EGFLAM: variants seen among roughly 807,000 people sequenced by gnomAD.
EGFLAM encodes EGF like, fibronectin type III and laminin G domains.
EGFLAM carries 79 observed loss-of-function variants against 113.1 expected under a neutral mutation model. The ratio of observed to expected loss-of-function variants is 0.70; its 90% CI spans 0.58 to 0.84. The LOEUF (loss-of-function observed/expected upper bound fraction) is 0.84. Ranked by LOEUF, EGFLAM falls within the 40% of genes least tolerant of loss-of-function variation. EGFLAM has a pLI of 0.00. For missense variants in EGFLAM, 1,265 were observed against 1,291.6 expected (o/e 0.98, Z 0.32); for synonymous variants, 504 against 487.6 (o/e 1.03, Z -0.44).
intron 11 of EGFLAM, 58 bp downstream of exon 11, chr5:38,412,706 A>G: frequency 1.3e-5 from 21 of 1,585,516 alleles, no homozygotes; most frequent in Non-Finnish European, 1.8e-5. Flanking sequence ...AAGTCTCCTG[A>G]GAAGGGCTTA....
chr5:38,258,797 G>A lies in EGFLAM; in HGVS notation c.43G>A (p.Ala15Thr), dbSNP rs747193269. The A allele has an allele frequency of 6.2e-7, 1 of 1,612,538 alleles. No homozygotes were observed. ...CGTCTTGCTCCGGCTCCTGCTCCTG[G>A]CTTCCAGCCTCGGACCCGGCGCGGT... ...RGVLLRLLLL[A>T]SSLGPGAVSL... The change falls in exon 1 of 22, where the codon GCT (alanine) becomes ACT (threonine). Residue 15 changes from alanine (A) to threonine (T), a missense_variant. Physicochemically the swap from Ala to Thr is moderately conservative, Grantham distance 58. Coordinates refer to ENST00000322350, the MANE Select transcript of EGFLAM (RefSeq NM_152403.4).
chr5:38,455,470 G>A (rs1278325377), intron 19 of EGFLAM, among the ~76,000 whole-genome samples: 1 of 151,244 alleles, frequency 6.6e-6, no homozygotes, highest in Non-Finnish European at 1.5e-5. Context: ...TTTAGAATAT[G>A]TAAACACTGA....
At chr5:38,422,579 CTA>C (rs1303626025) in intron 12 of EGFLAM, among the ~76,000 whole-genome samples, 1 of 152,176 alleles carries the variant, frequency 6.6e-6, no homozygotes, top group Non-Finnish European at 1.5e-5. Flanking sequence ...AAACCCAGCT[CTA>C]TCACATATTT....
At chr5:38,268,461 A>G (rs544974619) in intron 1 of EGFLAM, among the ~76,000 whole-genome samples, 2 of 152,302 alleles carry the variant, frequency 1.3e-5, no homozygotes, top group Non-Finnish European at 2.9e-5. Context: ...TAACCCAACT[A>G]TACGGTTTCT....
chr5:38,292,573 A>G (rs1204084294), intron 1 of EGFLAM, among the ~76,000 whole-genome samples: 1 of 152,184 alleles, frequency 6.6e-6, no homozygotes, highest in Non-Finnish European at 1.5e-5. Flanking sequence ...TCTTGAGTTG[A>G]TATTATTCCT....
chr5:38,283,846 T>G (rs527504871), intron 1 of EGFLAM: 7 of 152,378 alleles, frequency 4.6e-5, no homozygotes, highest in African/African-American at 1.7e-4. Context: ...CCCAGGTTTG[T>G]AAGACGGTTC....
rs533645549 is a variant in EGFLAM at position 38,370,641 on chromosome 5, G to C, written c.712+179G>C. On this transcript the variant is annotated intron_variant, in intron 6 of 21. Transcript: ENST00000322350. The stretch of plus-strand genomic sequence containing the variant: ...TTAGAGGCTGTCAACAGGGACACGG[G>C]CTGTTTCTATGTCCTGGAGGTCAGC... Among the ~76,000 whole-genome samples, 97 of 152,326 alleles carry C rather than the reference G, an allele frequency of 6.4e-4. 1 individual carries two copies. The highest frequency in any genetic ancestry group is 1.2e-3 in the Non-Finnish European group (81 of 68,028).
intron 10 of EGFLAM, 142 bp from the exon 11 acceptor site, chr5:38,412,362 A>G (rs571911456): frequency 1.6e-6 from 2 of 1,247,510 alleles, no homozygotes; most frequent in East Asian, 4.8e-5. Flanking sequence ...ATTGATTTCA[A>G]CAGCACTTGA....
intron 6 of EGFLAM, among the ~76,000 whole-genome samples, chr5:38,404,304 G>A (rs1322658165): frequency 1.3e-5 from 2 of 152,146 alleles, no homozygotes; most frequent in African/African-American, 4.8e-5. Flanking sequence ...AGATCATAAG[G>A]GTGGAGTCCT....
chr5:38,399,625 C>G (rs766624717), intron 6 of EGFLAM, among the ~76,000 whole-genome samples: 10 of 152,110 alleles, frequency 6.6e-5, no homozygotes, highest in Non-Finnish European at 1.2e-4. Flanking sequence ...AAATGTGGAC[C>G]TACTGCTTCC....
intron 6 of EGFLAM, among the ~76,000 whole-genome samples, chr5:38,374,637 G>A (rs1740315774): frequency 6.6e-6 from 1 of 152,178 alleles, no homozygotes; most frequent in Admixed American, 6.5e-5. Context: ...TAGAGCCAGA[G>A]GCTGCATGAT....
chr5:38,454,982 G>A (rs1397572008), intron 19 of EGFLAM, among the ~76,000 whole-genome samples: 1 of 152,154 alleles, frequency 6.6e-6, no homozygotes, highest in Non-Finnish European at 1.5e-5. Flanking sequence ...TTTCTGTTTT[G>A]TTTTTGTTTT....
In EGFLAM at chr5:38,327,364, G is replaced by T. The variant is rs548920062; in HGVS notation, c.98-10156G>T. Among the ~76,000 whole-genome samples, 5 of 152,246 alleles carry T rather than the reference G, an allele frequency of 3.3e-5. No individual in the cohort carries two copies. The East Asian group carries it at 9.7e-4, about 29-fold the overall frequency. On this transcript the variant is annotated intron_variant, in intron 1 of 21. Transcript: ENST00000322350. Reference sequence around the variant, plus strand: ...TGGATGTAAAAATATTTTTGAAAGTGAACTTTTAAAATTGGGAAAACAATA... The same window carrying T: ...TGGATGTAAAAATATTTTTGAAAGTTAACTTTTAAAATTGGGAAAACAATA...
At chr5:38,449,163 C>A (rs902805684) in intron 18 of EGFLAM, among the ~76,000 whole-genome samples, 1 of 152,172 alleles carries the variant, frequency 6.6e-6, no homozygotes, top group Non-Finnish European at 1.5e-5. Context: ...CTTTCTGCTC[C>A]CCACACAATC....
At chr5:38,263,914 C>T (rs1757566110) in intron 1 of EGFLAM, among the ~76,000 whole-genome samples, 1 of 152,102 alleles carries the variant, frequency 6.6e-6, no homozygotes, top group African/African-American at 2.4e-5. Context: ...AAGGGATCTC[C>T]AGCTTGGAAG....
At chr5:38,333,583 G>T (rs75177619) in intron 1 of EGFLAM, among the ~76,000 whole-genome samples, 1,882 of 152,090 alleles carry the variant, frequency 0.012, 36 homozygotes, top group African/African-American at 0.043. Flanking sequence ...TATGCTTGTT[G>T]GTCGCATGTG....
At chr5:38,399,073 G>T (rs900414837) in intron 6 of EGFLAM, among the ~76,000 whole-genome samples, 2 of 152,184 alleles carry the variant, frequency 1.3e-5, no homozygotes, top group Non-Finnish European at 1.5e-5. Context: ...AAGAGCCAAA[G>T]TGAGCTTGCA....
intron 1 of EGFLAM, among the ~76,000 whole-genome samples, chr5:38,337,011 TTAAGA>T (rs1351975812): frequency 1.3e-5 from 2 of 152,260 alleles, no homozygotes; most frequent in Non-Finnish European, 2.9e-5. Context: ...ATGAAGTTAC[TTAAGA>T]TAGATAGTAA....
chr5:38,297,942 G>C (rs991102798), intron 1 of EGFLAM, among the ~76,000 whole-genome samples: 1 of 152,192 alleles, frequency 6.6e-6, no homozygotes, highest in Non-Finnish European at 1.5e-5. Flanking sequence ...CATTACTGTC[G>C]TAAGGACAAT....
Sources: gnomAD v4.1 joint callset for allele counts (sites outside exome capture counted in the v4.1 genomes callset) on GRCh38, gnomAD v4.1.1 for gene constraint, MANE v1.5 for transcripts, NCBI Gene and HGNC (gene_info 2026-07-23, HGNC 2026-07-21) for gene names.